The following GRK3 variants were observed in gnomAD, a reference collection of about 807,000 sequenced individuals.
GRK3 encodes the protein G protein-coupled receptor kinase 3.
GRK3 carries 54 observed loss-of-function variants against 95.7 expected under a neutral mutation model. That is an observed-to-expected ratio of 0.56 (90% CI 0.45 to 0.71). The LOEUF is 0.71. Ranked by LOEUF, GRK3 falls within the 30% of genes least tolerant of loss-of-function variation. The pLI is 0.00. For missense variants in GRK3, 649 were observed against 851.2 expected (o/e 0.76, Z 2.96); for synonymous variants, 281 against 290.8 (o/e 0.97, Z 0.34).
chr22:25,632,611 G>T (rs2084671723), intron 2 of GRK3, among the ~76,000 whole-genome samples: 1 of 152,080 alleles, frequency 6.6e-6, no homozygotes, highest in South Asian at 2.1e-4. Context: ...AGGTTGCAAA[G>T]ATTTTCTTGA....
rs140789257 is a variant in GRK3, at chr22:25,579,035, G to C, written c.113+13882G>C. Among the ~76,000 whole-genome samples the C allele has an allele frequency of 7.9e-5, 12 of 152,188 alleles. No homozygotes were observed. The East Asian group carries it at 2.3e-3, about 29-fold the overall frequency. Reference sequence around the variant, plus strand: ...GCAGTAGAACCAAGGCACCTACTCTGTCTCTGAATAGTGGCAATTGAAAAG... The same window carrying C: ...GCAGTAGAACCAAGGCACCTACTCTCTCTCTGAATAGTGGCAATTGAAAAG... On this transcript the variant is annotated intron_variant, in intron 1 of 20. Coordinates refer to ENST00000324198, the MANE Select transcript of GRK3 (RefSeq NM_005160.4).
intron 13 of GRK3, among the ~76,000 whole-genome samples, chr22:25,701,261 C>T (rs778449256): frequency 2.0e-5 from 3 of 152,228 alleles, no homozygotes; most frequent in African/African-American, 7.2e-5. Context: ...GATCTGTGCA[C>T]ACCACGTGCC....
chr22:25,698,814 G>A (rs1447643157), intron 13 of GRK3, among the ~76,000 whole-genome samples: 2 of 152,176 alleles, frequency 1.3e-5, no homozygotes, highest in Admixed American at 1.3e-4. Flanking sequence ...CAGTGAGTTT[G>A]CGCAGCAGCC....
At chr22:25,720,963 CAG>C (rs2085427511) in intron 19 of GRK3, among the ~76,000 whole-genome samples, 1 of 152,160 alleles carries the variant, frequency 6.6e-6, no homozygotes, top group Non-Finnish European at 1.5e-5. Flanking sequence ...ATGTTATTGA[CAG>C]AATGTATATG....
At chr22:25,658,917 A>G (rs922302573) in intron 3 of GRK3, among the ~76,000 whole-genome samples, 1 of 152,098 alleles carries the variant, frequency 6.6e-6, no homozygotes, top group African/African-American at 2.4e-5. Flanking sequence ...TAAGGGTTTC[A>G]TTTAGATGTG....
At chr22:25,581,612 A>G (rs1932102239) in intron 1 of GRK3, among the ~76,000 whole-genome samples, 1 of 152,144 alleles carries the variant, frequency 6.6e-6, no homozygotes, top group South Asian at 2.1e-4. Flanking sequence ...CAGATTTACA[A>G]CTTCTTGACC....
chr22:25,670,935 T>C (rs1239255101), intron 6 of GRK3, among the ~76,000 whole-genome samples: 1 of 147,402 alleles, frequency 6.8e-6, no homozygotes, highest in Non-Finnish European at 1.5e-5. Flanking sequence ...GCCCCTGTAG[T>C]CCCAGCTACT....
In GRK3 at chr22:25,604,314, C is replaced by G; in HGVS notation, c.114-63C>G. 4 of 1,230,958 alleles carry G rather than the reference C, an allele frequency of 3.2e-6. No individual in the cohort carries two copies. The South Asian group carries it at 5.4e-5, about 17-fold the overall frequency. The allele number at this position is 1,230,958 out of a possible 1,614,324, so 76.3% of individuals were successfully genotyped here. ...GTCAAGACATCCGTATCTCTTCCAT[C>G]CTGGGGATGGTTACTCACGATGTAG... On this transcript the variant is annotated intron_variant, in intron 1 of 20. Coordinates refer to ENST00000324198, the MANE Select transcript of GRK3 (RefSeq NM_005160.4).
rs1279018584 is a variant in GRK3, at chr22:25,593,662, G to T, written c.114-10715G>T. ...CTGTAGGGTGTCTGTTTACTCTGTT[G>T]ATAGTTTCTTTTGCTGTGCAAAAGC... On this transcript the variant is annotated intron_variant, in intron 1 of 20. Transcript: ENST00000324198. 9.2e-5 allele frequency among the ~76,000 whole-genome samples: 14 copies of T among 152,240 alleles called. 2 individuals are homozygous for T. In the East Asian group the frequency reaches 2.7e-3, roughly 29 times the overall value.
chr22:25,608,816 T>C (rs545703939), intron 2 of GRK3, among the ~76,000 whole-genome samples: 25 of 152,284 alleles, frequency 1.6e-4, no homozygotes, highest in East Asian at 5.8e-4. Context: ...TGGAACCCAC[T>C]CACACTTCTG....
At chr22:25,715,484 G>C (rs1309229760) in intron 18 of GRK3, among the ~76,000 whole-genome samples, 2 of 152,112 alleles carry the variant, frequency 1.3e-5, no homozygotes, top group African/African-American at 4.8e-5. Context: ...ACTCTAGCCT[G>C]GGTGACACAG....
chr22:25,647,003 C>CGAG (rs2084788125), intron 3 of GRK3, among the ~76,000 whole-genome samples: 1 of 121,952 alleles, frequency 8.2e-6, no homozygotes, highest in Non-Finnish European at 1.6e-5. Context: ...CCTGGGTGAC[C>CGAG]GAGGGAGACT....
intron 2 of GRK3, among the ~76,000 whole-genome samples, chr22:25,641,940 ATTTCATT>A (rs1228813885): frequency 6.6e-6 from 1 of 152,218 alleles, no homozygotes; most frequent in Admixed American, 6.5e-5. Flanking sequence ...GTGTGGTATT[ATTTCATT>A]TTGTCATTTA....
At chr22:25,643,548 T>G (rs2084758632) in intron 2 of GRK3, among the ~76,000 whole-genome samples, 1 of 152,242 alleles carries the variant, frequency 6.6e-6, no homozygotes, top group Non-Finnish European at 1.5e-5. Context: ...TGTGAGTCTT[T>G]CTTCAGTTCC....
Position 25,714,471 on chromosome 22 carries a change from C to G in GRK3, c.1555C>G (p.Gln519Glu). ...TTTGGTCATCTCTGAACGCTGGCAG[C>G]AAGAAGTAACGGAAACAGTTTATGA... Reference protein sequence around the residue: ...FPLVISERWQQEVTETVYEAV... With the variant: ...FPLVISERWQEEVTETVYEAV... Residue 519 changes from glutamine to glutamate, a missense_variant, in exon 18 of 21, where the codon CAA becomes GAA. Transcript: ENST00000324198. 1 of 1,613,862 alleles carries G rather than the reference C, an allele frequency of 6.2e-7. No individual in the cohort carries two copies. The highest frequency in any genetic ancestry group is 8.5e-7 in the Non-Finnish European group (1 of 1,179,920).
intron 15 of GRK3, 24 bp downstream of exon 15, chr22:25,704,233 G>A (rs772651409): frequency 2.6e-5 from 41 of 1,570,002 alleles, no homozygotes; most frequent in African/African-American, 9.5e-5. Context: ...CCTGCCTTTC[G>A]GTATCTTTAC....
chr22:25,586,078 G>A (rs1308667137), intron 1 of GRK3, among the ~76,000 whole-genome samples: 1 of 152,184 alleles, frequency 6.6e-6, no homozygotes, highest in Non-Finnish European at 1.5e-5. Flanking sequence ...AATATTAACT[G>A]ACATGAATAT....
chr22:25,665,604 A>G (rs1362594035), intron 5 of GRK3, among the ~76,000 whole-genome samples: 1 of 152,218 alleles, frequency 6.6e-6, no homozygotes, highest in African/African-American at 2.4e-5. Context: ...CTAAACAGAT[A>G]TAGAATGGGT....
intron 1 of GRK3, among the ~76,000 whole-genome samples, chr22:25,579,988 G>A (rs1188023431): frequency 6.6e-6 from 1 of 152,148 alleles, no homozygotes; most frequent in Non-Finnish European, 1.5e-5. Context: ...GCATCACTAG[G>A]ATGAAATAAC....
Sources: gnomAD v4.1 joint callset for allele counts (sites outside exome capture counted in the v4.1 genomes callset) on GRCh38, gnomAD v4.1.1 for gene constraint, MANE v1.5 for transcripts, NCBI Gene and HGNC (gene_info 2026-07-23, HGNC 2026-07-21) for gene names.